The following HSF5 variants were observed in gnomAD, a reference collection of about 807,000 sequenced individuals.
HSF5 encodes the protein heat shock factor protein 5.
Under a neutral mutation model 50.8 loss-of-function variants are expected in HSF5, and 5 were observed. The observed-to-expected ratio is 0.10, with a 90% CI of 0.05 to 0.21. HSF5 has a LOEUF of 0.21. Among genes scored for constraint, HSF5 ranks in the 10% least tolerant of loss-of-function variants. HSF5 has a pLI of 1.00. For synonymous variants in HSF5, 307 were observed against 307.4 expected, an observed-to-expected ratio of 1.00 and a Z score of 0.02; for missense variants, 564 against 762.6, an observed-to-expected ratio of 0.74 and a Z score of 3.07.
At chr17:58,452,343 G>A (rs527915582) in intron 5 of HSF5, among the ~76,000 whole-genome samples, 1 of 152,220 alleles carries the variant, frequency 6.6e-6, no homozygotes, top group African/African-American at 2.4e-5. Flanking sequence ...ACTAACACCA[G>A]AGAAGTACAA....
chr17:58,480,098 T>C lies in HSF5; in HGVS notation c.720A>G (p.Gly240=), dbSNP rs1975076805. The C allele has an allele frequency of 6.2e-7, 1 of 1,614,150 alleles. No homozygotes were observed. The highest frequency in any genetic ancestry group is 8.5e-7 in the Non-Finnish European group (1 of 1,180,004). ...IWQNSLGMHP[G]QVETSPTFSD... ...AAAATGTGGGAGATGTCTCCACTTGTCCAGGATGCATTCCAAGGGAGTTCT... is the reference window on the plus strand; with the variant it reads ...AAAATGTGGGAGATGTCTCCACTTGCCCAGGATGCATTCCAAGGGAGTTCT... The change falls in exon 2 of 6, where the codon GGA becomes GGG. Residue 240 remains glycine (G), a synonymous_variant. Coordinates refer to ENST00000323777, the MANE Select transcript of HSF5 (RefSeq NM_001080439.3).
chr17:58,432,468 T>C (rs561384756), intron 5 of HSF5, among the ~76,000 whole-genome samples: 2 of 152,240 alleles, frequency 1.3e-5, no homozygotes, highest in Non-Finnish European at 2.9e-5. Flanking sequence ...GAACACACCA[T>C]GTGAAAATCT....
intron 5 of HSF5, among the ~76,000 whole-genome samples, chr17:58,443,630 C>T (rs777741557): frequency 2.6e-5 from 4 of 152,206 alleles, no homozygotes; most frequent in Non-Finnish European, 5.9e-5. Flanking sequence ...AAATCATAAT[C>T]AGAGGTATCT....
At chr17:58,454,241 A>C (rs146958908) in intron 5 of HSF5, among the ~76,000 whole-genome samples, 1,869 of 152,094 alleles carry the variant, frequency 0.012, 12 homozygotes, top group Middle Eastern at 0.034. Flanking sequence ...AACAAAACAA[A>C]ACAAAAAATA....
At position 58,420,739 on chromosome 17, in the gene HSF5, T is replaced by C. The variant is rs1356687818; in HGVS notation, c.*1621A>G. 6.6e-6 allele frequency: 1 copy of C among 152,178 alleles called. No homozygotes were observed. Among genetic ancestry groups the C allele is most frequent in the African/African-American group, 2.4e-5 (1 of 41,430 alleles). 9.4% of individuals were successfully genotyped at this position (152,178 alleles called of 1,614,324 possible). ...TTTAAACCTTGCTAATAAAGATAAATAAATGCCCATCACATAGACATTAAC... is the reference window on the plus strand; with the variant it reads ...TTTAAACCTTGCTAATAAAGATAAACAAATGCCCATCACATAGACATTAAC... On this transcript the variant is annotated 3_prime_UTR_variant, in exon 6 of 6. Transcript: ENST00000323777.
rs34783781 is a variant in HSF5, at chr17:58,482,709, C to CAAAA, written c.551-2446_551-2443dup. 2.2e-3 allele frequency among the ~76,000 whole-genome samples: 29 copies of CAAAA among 13,456 alleles called. 4 individuals are homozygous for CAAAA. The highest frequency in any genetic ancestry group is 6.3e-3 in the Admixed American group (5 of 788). The allele number at this position is 13,456 out of a possible 152,430, so 8.8% of individuals were successfully genotyped here. ...CGGGCAACACAGCAAGACTCCATCT[C>CAAAA]AAAAAAAAAAAAAAAAAAAAAAAAA... is the stretch of plus-strand genomic sequence containing the variant. On this transcript the variant is annotated intron_variant, in intron 1 of 5. Coordinates refer to ENST00000323777, the MANE Select transcript of HSF5 (RefSeq NM_001080439.3).
chr17:58,460,510 C>CAT (rs1555642696), intron 4 of HSF5, among the ~76,000 whole-genome samples: 41,248 of 136,964 alleles, frequency 0.3, 6,294 homozygotes, highest in East Asian at 0.4. Context: ...CACACACACA[C>CAT]ATACTTTTTT....
At chr17:58,464,030 GCA>G (rs1475247242) in intron 3 of HSF5, among the ~76,000 whole-genome samples, 2 of 152,116 alleles carry the variant, frequency 1.3e-5, no homozygotes, top group African/African-American at 4.8e-5. Context: ...GAAGAGCTTC[GCA>G]CAGAGTAGGC....
chr17:58,421,991 A>G lies in HSF5; in HGVS notation c.*369T>C, dbSNP rs900296612. The G allele has an allele frequency of 1.2e-5, 2 of 172,242 alleles. No individual in the cohort carries two copies. Among genetic ancestry groups the G allele is most frequent in the African/African-American group, 4.8e-5 (2 of 41,908 alleles). 10.7% of individuals were successfully genotyped at this position (172,242 alleles called of 1,614,324 possible). ...TGAATTCCCCACTAAAGTTGTGCTG[A>G]CTACAGTTTGAGTGGCAAGACAACA... On this transcript the variant is annotated 3_prime_UTR_variant, in exon 6 of 6. Transcript: ENST00000323777.
At chr17:58,459,504 G>A (rs531400482) in intron 4 of HSF5, among the ~76,000 whole-genome samples, 5 of 152,092 alleles carry the variant, frequency 3.3e-5, no homozygotes, top group Admixed American at 2.0e-4. Flanking sequence ...AAAATTAGCC[G>A]GGCGTGGTAG....
chr17:58,485,552 G>C (rs1658186962), intron 1 of HSF5, among the ~76,000 whole-genome samples: 1 of 151,666 alleles, frequency 6.6e-6, no homozygotes, highest in African/African-American at 2.4e-5. Context: ...TTCCAGACCA[G>C]CCTGGGCAAC....
chr17:58,474,581 T>TA (rs1974986398), intron 2 of HSF5, among the ~76,000 whole-genome samples: 1 of 152,186 alleles, frequency 6.6e-6, no homozygotes, highest in Non-Finnish European at 1.5e-5. Flanking sequence ...CAAGCTAAAA[T>TA]AAAATATTTT....
At chr17:58,463,351 G>A in intron 3 of HSF5, 48 bp from the exon 4 acceptor site, 1 of 1,441,630 alleles carries the variant, frequency 6.9e-7, no homozygotes, top group African/African-American at 1.4e-5. Flanking sequence ...TAAAATATGA[G>A]ATTAAGGAGG....
chr17:58,425,197 G>A (rs188830924), intron 5 of HSF5, among the ~76,000 whole-genome samples: 21 of 152,156 alleles, frequency 1.4e-4, no homozygotes, highest in Admixed American at 2.6e-4. Context: ...TCAGGAGTTC[G>A]AGACCAGCCT....
intron 2 of HSF5, among the ~76,000 whole-genome samples, chr17:58,472,806 G>C (rs2143796097): frequency 6.6e-6 from 1 of 152,156 alleles, no homozygotes; most frequent in Non-Finnish European, 1.5e-5. Flanking sequence ...ACTCCCCAGA[G>C]CCCCCAGGCT....
chr17:58,478,171 C>G (rs751961043), intron 2 of HSF5, among the ~76,000 whole-genome samples: 5 of 151,856 alleles, frequency 3.3e-5, no homozygotes, highest in Non-Finnish European at 7.4e-5. Flanking sequence ...CAGTGGCTCA[C>G]GCCTGTAATC....
chr17:58,456,720 A>G (rs1373319821), intron 5 of HSF5, among the ~76,000 whole-genome samples: 7 of 152,226 alleles, frequency 4.6e-5, no homozygotes, highest in Non-Finnish European at 8.8e-5. Flanking sequence ...AAAAATGGTT[A>G]AAATGATAAA....
chr17:58,444,663 T>A (rs547362599), intron 5 of HSF5, among the ~76,000 whole-genome samples: 5 of 152,230 alleles, frequency 3.3e-5, no homozygotes, highest in South Asian at 4.1e-4. Context: ...TTCACGACAC[T>A]GGACTTGGCA....
Position 58,422,165 on chromosome 17 carries a change from G to T in HSF5, c.*195C>A. On this transcript the variant is annotated 3_prime_UTR_variant, in exon 6 of 6. Coordinates refer to ENST00000323777, the MANE Select transcript of HSF5 (RefSeq NM_001080439.3). ...TGCTAGATGTTCAGTAGTTTGTCAA[G>T]GCAGATAATCTGAACTGAACCACTG... The T allele has an allele frequency of 1.9e-6, 1 of 524,598 alleles. No homozygotes were observed. Among genetic ancestry groups the T allele is most frequent in the Non-Finnish European group, 3.4e-6 (1 of 295,344 alleles). 32.5% of individuals were successfully genotyped at this position (524,598 alleles called of 1,614,324 possible). A position where few individuals can be genotyped will look rare whatever the true frequency, so the allele number is the denominator to read the frequency against.
Sources: gnomAD v4.1 joint callset for allele counts (sites outside exome capture counted in the v4.1 genomes callset) on GRCh38, gnomAD v4.1.1 for gene constraint, MANE v1.5 for transcripts, NCBI Gene and HGNC (gene_info 2026-07-23, HGNC 2026-07-21) for gene names.